ZDHHC13: variants seen among roughly 807,000 people sequenced by gnomAD.
ZDHHC13 encodes palmitoyltransferase ZDHHC13.
In ZDHHC13, 85 loss-of-function variants were observed where a neutral mutation model predicts 86.0. The observed-to-expected ratio is 0.99, with a 90% CI of 0.83 to 1.18. The LOEUF (loss-of-function observed/expected upper bound fraction) is 1.18, where lower values mean the gene tolerates loss of function less well. Ranked by LOEUF, ZDHHC13 falls within the 50% of genes most tolerant of loss-of-function variation. The probability of loss-of-function intolerance (pLI) is 0.00; values close to 1 mark genes in which losing one functional copy is unlikely to be tolerated. For synonymous variants in ZDHHC13, 263 were observed against 246.4 expected, an observed-to-expected ratio of 1.07 and a Z score of -0.63; for missense variants, 711 against 730.2, an observed-to-expected ratio of 0.97 and a Z score of 0.30.
chr11:19,121,823 C>T (rs1590057296), intron 1 of ZDHHC13, among the ~76,000 whole-genome samples: 1 of 152,232 alleles, frequency 6.6e-6, no homozygotes, highest in East Asian at 1.9e-4. Flanking sequence ...TTGATATGTC[C>T]CTTTCACTTT....
Position 19,172,773 on chromosome 11 carries a change from G to A in ZDHHC13, c.1683G>A (p.Gln561=). The A allele has an allele frequency of 6.2e-7, 1 of 1,606,976 alleles. No homozygotes were observed. Among genetic ancestry groups the A allele is most frequent in the Non-Finnish European group, 8.5e-7 (1 of 1,176,730 alleles). The change falls in exon 16 of 17, where the codon CAG becomes CAA. Residue 561 remains glutamine, a synonymous_variant. Coordinates refer to ENST00000446113, the MANE Select transcript of ZDHHC13 (RefSeq NM_019028.3). The part of the protein sequence containing the change: ...TSHERISLQK[Q]SKHMKQTLSL... Reference sequence around the variant, plus strand: ...ATGAGAGAATCAGCCTGCAGAAGCAGAGCAAGCATATGAAACAGACGTTGT... The same window carrying A: ...ATGAGAGAATCAGCCTGCAGAAGCAAAGCAAGCATATGAAACAGACGTTGT...
intron 3 of ZDHHC13, 24 bp downstream of exon 3, chr11:19,146,327 T>C: frequency 6.2e-7 from 1 of 1,600,912 alleles, no homozygotes; most frequent in Non-Finnish European, 8.5e-7. Flanking sequence ...TGTGTGTTAA[T>C]TGTGTATTTA....
intron 5 of ZDHHC13, 62 bp downstream of exon 5, chr11:19,149,393 TTAG>T: frequency 2.9e-6 from 4 of 1,395,556 alleles, no homozygotes; most frequent in Non-Finnish European, 2.8e-6. Context: ...GGGGAAATTA[TTAG>T]TAGTAGTCTC....
chr11:19,155,950 A>T (rs1262115965), intron 9 of ZDHHC13, 21 bp downstream of exon 9: 8 of 1,584,714 alleles, frequency 5.0e-6, no homozygotes, highest in Non-Finnish European at 6.8e-6. Flanking sequence ...TAATTTTTGC[A>T]AGGCTGGTTA....
In ZDHHC13 at chr11:19,165,172, A is replaced by G. The variant is rs1193585022; in HGVS notation, c.1390+27A>G. The G allele has an allele frequency of 3.8e-6, 6 of 1,590,536 alleles. No individual in the cohort carries two copies. The South Asian group carries it at 4.6e-5, about 12-fold the overall frequency. ...TGAGAGATTTAATTTTTCAATTACT[A>G]CTGTGAAGTTAAGCATATGTTTAGT... On this transcript the variant is annotated intron_variant, in intron 13 of 16. Coordinates refer to ENST00000446113, the MANE Select transcript of ZDHHC13 (RefSeq NM_019028.3).
In ZDHHC13 at chr11:19,176,004, T is replaced by A; in HGVS notation, c.*44T>A. 6.4e-7 allele frequency: 1 copy of A among 1,570,032 alleles called. No homozygotes were observed. The highest frequency in any genetic ancestry group is 8.6e-7 in the Non-Finnish European group (1 of 1,162,146). Reference sequence around the variant, plus strand: ...TCTCAATCTGATTTGTTTTTGTTTATGTCGATGCCCTGTAGTTTGAAAGTG... The same window carrying A: ...TCTCAATCTGATTTGTTTTTGTTTAAGTCGATGCCCTGTAGTTTGAAAGTG... On this transcript the variant is annotated 3_prime_UTR_variant, in exon 17 of 17. Coordinates refer to ENST00000446113, the MANE Select transcript of ZDHHC13 (RefSeq NM_019028.3).
chr11:19,172,969 T>C, intron 16 of ZDHHC13, 149 bp downstream of exon 16: 2 of 646,098 alleles, frequency 3.1e-6, no homozygotes, highest in South Asian at 2.3e-5. Context: ...GAAGCTTTAG[T>C]GATGGGGTGA....
At chr11:19,125,151 C>T (rs1011791830) in intron 1 of ZDHHC13, among the ~76,000 whole-genome samples, 1 of 152,166 alleles carries the variant, frequency 6.6e-6, no homozygotes, top group Non-Finnish European at 1.5e-5. Context: ...AACTTCTGCT[C>T]TATGAAACAG....
chr11:19,156,858 A>G (rs1041855520), intron 9 of ZDHHC13, among the ~76,000 whole-genome samples: 1 of 152,124 alleles, frequency 6.6e-6, no homozygotes, highest in African/African-American at 2.4e-5. Flanking sequence ...AAAAGCAGAT[A>G]AGTTCTTTCT....
chr11:19,175,508 T>C (rs909997147), intron 16 of ZDHHC13, among the ~76,000 whole-genome samples: 3 of 148,854 alleles, frequency 2.0e-5, no homozygotes, highest in Non-Finnish European at 4.4e-5. Flanking sequence ...GAAGTAGGAA[T>C]AGAAAGAAAG....
intron 14 of ZDHHC13, 155 bp from the exon 15 acceptor site, chr11:19,170,256 A>AC: frequency 7.1e-7 from 1 of 1,408,988 alleles, no homozygotes; most frequent in Admixed American, 3.5e-5. Flanking sequence ...TAGTTTTTGA[A>AC]CTGTCATGTG....
At chr11:19,142,356 G>A (rs1411671683) in intron 1 of ZDHHC13, among the ~76,000 whole-genome samples, 1 of 152,130 alleles carries the variant, frequency 6.6e-6, no homozygotes, top group African/African-American at 2.4e-5. Context: ...GCTTCAGTTG[G>A]CTAAGACAGA....
At chr11:19,121,736 C>T (rs1200926021) in intron 1 of ZDHHC13, among the ~76,000 whole-genome samples, 2 of 152,144 alleles carry the variant, frequency 1.3e-5, no homozygotes, top group African/African-American at 2.4e-5. Flanking sequence ...TACCAGTTCA[C>T]AAGTCAATAG....
chr11:19,134,325 GTC>G (rs1032565818), intron 1 of ZDHHC13, among the ~76,000 whole-genome samples: 64 of 152,160 alleles, frequency 4.2e-4, no homozygotes, highest in African/African-American at 1.3e-3. Context: ...GTAAGACTCT[GTC>G]TCTACAAAAC....
At chr11:19,155,721 T>C in intron 8 of ZDHHC13, 75 bp from the exon 9 acceptor site, 1 of 1,492,178 alleles carries the variant, frequency 6.7e-7, no homozygotes, top group South Asian at 1.3e-5. Context: ...TTGGAAGTAG[T>C]TCTTATATTG....
At position 19,147,781 on chromosome 11, in the gene ZDHHC13, C is replaced by CCG. The variant is rs796670281; in HGVS notation, c.374+109_374+110insGC. 1,356 of 745,404 alleles carry CCG rather than the reference C, an allele frequency of 1.8e-3. 16 individuals carry two copies. In the African/African-American group the frequency reaches 0.022, roughly 12 times the overall value. The allele number at this position is 745,404 out of a possible 1,614,324, so 46.2% of individuals were successfully genotyped here. ...AAAGGCTGTCTTTTCTTCCCCCCCC[C>CCG]CCTTTATTTAAAAATAAATTTCAGC... On this transcript the variant is annotated intron_variant, in intron 4 of 16. Transcript: ENST00000446113.
In ZDHHC13 at chr11:19,171,724, A is replaced by G. The variant is rs117615966; in HGVS notation, c.1633-999A>G. 8.0e-3 allele frequency among the ~76,000 whole-genome samples: 1,215 copies of G among 152,350 alleles called. 14 individuals are homozygous for G. The highest frequency in any genetic ancestry group is 0.014 in the Non-Finnish European group (958 of 68,030). ...CTGGAATCTTAGAATAAGTACAAGT[A>G]TATGAGATGATAATATCCTTAATTT... On this transcript the variant is annotated intron_variant, in intron 15 of 16. Transcript: ENST00000446113.
intron 13 of ZDHHC13, among the ~76,000 whole-genome samples, chr11:19,165,492 G>A (rs868856276): frequency 6.6e-6 from 1 of 152,172 alleles, no homozygotes; most frequent in Non-Finnish European, 1.5e-5. Flanking sequence ...CTTCTGCCGG[G>A]TTTTGCTGCT....
intron 11 of ZDHHC13, among the ~76,000 whole-genome samples, 182 bp downstream of exon 11, chr11:19,163,609 T>C (rs537058864): frequency 6.6e-6 from 1 of 152,324 alleles, no homozygotes; most frequent in South Asian, 2.1e-4. Context: ...TTTTAACACA[T>C]ATTTTTATTT....
Sources: allele counts gnomAD v4.1 joint callset (sites outside exome capture counted in the v4.1 genomes callset), GRCh38; gene constraint gnomAD v4.1.1; transcripts MANE v1.5; gene names NCBI Gene and HGNC (gene_info 2026-07-23, HGNC 2026-07-21).